USP45: variants seen among roughly 807,000 people sequenced by gnomAD.
USP45 encodes the protein ubiquitin specific peptidase 45, also known as ubiquitin carboxyl-terminal hydrolase 45.
A neutral mutation model predicts 95.8 loss-of-function variants in USP45; 89 were observed. The observed-to-expected ratio is 0.93, with a 90% CI of 0.78 to 1.11. USP45 has a LOEUF of 1.11. USP45 is among the 50% of genes least tolerant of loss of function. The pLI is 0.00. For missense variants in USP45, 898 were observed against 942.5 expected, an observed-to-expected ratio of 0.95 and a Z score of 0.62; for synonymous variants, 281 against 316.2, an observed-to-expected ratio of 0.89 and a Z score of 1.18.
Position 99,435,532 on chromosome 6 carries a change from GA to G in USP45, c.*183del. On this transcript the variant is annotated 3_prime_UTR_variant, in exon 18 of 18. Transcript: ENST00000500704. ...AAATTCACATTTATTTTAAGACTAT[GA>G]ATTTTAAAGCATTGAGTAAATTTAC... The G allele has an allele frequency of 4.5e-6, 2 of 441,256 alleles. No individual in the cohort carries two copies. The highest frequency in any genetic ancestry group is 7.7e-6 in the Non-Finnish European group (2 of 260,218). 27.3% of individuals were successfully genotyped at this position (441,256 alleles called of 1,614,324 possible). A position where few individuals can be genotyped will look rare whatever the true frequency, so the allele number is the denominator to read the frequency against.
intron 4 of USP45, 55 bp from the exon 5 acceptor site, chr6:99,503,920 C>T: frequency 2.4e-6 from 3 of 1,264,270 alleles, no homozygotes; most frequent in Non-Finnish European, 3.2e-6. Flanking sequence ...AATAATTTTG[C>T]ACATCAGATA....
chr6:99,461,938 T>A (rs1253071467), intron 13 of USP45: 2 of 985,264 alleles, frequency 2.0e-6, no homozygotes, highest in Non-Finnish European at 2.4e-6. Context: ...GTTCCATGAT[T>A]AAACTGGTTC....
chr6:99,512,885 C>T (rs994198), intron 1 of USP45, among the ~76,000 whole-genome samples: 129,715 of 152,132 alleles, frequency 0.85, 56,029 homozygotes, highest in East Asian at 1. Context: ...CCTTCTCTGA[C>T]AGCAACTTCC....
intron 5 of USP45, among the ~76,000 whole-genome samples, chr6:99,502,546 C>G (rs931281842): frequency 6.6e-6 from 1 of 152,092 alleles, no homozygotes; most frequent in Non-Finnish European, 1.5e-5. Flanking sequence ...GGCCTAACTC[C>G]CAGTAGTTAG....
chr6:99,464,858 A>G, intron 12 of USP45, 111 bp from the exon 13 acceptor site: 1 of 1,273,386 alleles, frequency 7.9e-7, no homozygotes, highest in Non-Finnish European at 1.1e-6. Flanking sequence ...ACAAATTATC[A>G]AAATAAAAAG....
At position 99,488,939 on chromosome 6, in the gene USP45, T is replaced by C. The variant is rs1583328383; in HGVS notation, c.479-119A>G. ...TAAGATTATCTCCCTGAATCAGTGT[T>C]CCTGAAGGGGAAGAATATAAACACA... On this transcript the variant is annotated intron_variant, in intron 5 of 17. Coordinates refer to ENST00000500704, the MANE Select transcript of USP45 (RefSeq NM_001346022.3). The C allele has an allele frequency of 4.0e-6, 3 of 744,602 alleles. No homozygotes were observed. The East Asian group carries it at 1.0e-4, about 25-fold the overall frequency. The allele number at this position is 744,602 out of a possible 1,614,324, so 46.1% of individuals were successfully genotyped here. A position where few individuals can be genotyped will look rare whatever the true frequency, so the allele number is the denominator to read the frequency against.
chr6:99,507,379 T>C, intron 4 of USP45, 49 bp downstream of exon 4: 7 of 935,958 alleles, frequency 7.5e-6, no homozygotes, highest in Non-Finnish European at 1.1e-5. Flanking sequence ...AAAAAAAAAA[T>C]TGGGGGGCTG....
At chr6:99,498,130 G>A (rs534167378) in intron 5 of USP45, among the ~76,000 whole-genome samples, 76 of 152,288 alleles carry the variant, frequency 5.0e-4, no homozygotes, top group Non-Finnish European at 8.8e-4. Context: ...GATCAGTAAT[G>A]ACAGGAACTA....
At chr6:99,510,921 T>C (rs1009260234) in intron 1 of USP45, among the ~76,000 whole-genome samples, 11 of 152,072 alleles carry the variant, frequency 7.2e-5, no homozygotes, top group Non-Finnish European at 1.5e-5. Context: ...AGCAAGGAAA[T>C]AGTAGGAGCT....
chr6:99,438,295 C>T (rs1780882428), intron 16 of USP45, among the ~76,000 whole-genome samples: 1 of 151,824 alleles, frequency 6.6e-6, no homozygotes, highest in African/African-American at 2.4e-5. Context: ...TGTCAGCTAC[C>T]ATTATTTAAG....
Position 99,450,512 on chromosome 6 carries a change from TAAC to T in USP45, c.1309-4052_1309-4050del, listed in dbSNP as rs1044025650. The stretch of plus-strand genomic sequence containing the variant: ...GAACTTGAATCCCTGAATAGATCAA[TAAC>T]AGGCTCTGAAATAGAGGCAATAATT... On this transcript the variant is annotated intron_variant, in intron 13 of 17. Transcript: ENST00000500704. Among the ~76,000 whole-genome samples the T allele has an allele frequency of 8.5e-5, 13 of 152,266 alleles. No individual in the cohort carries two copies. The South Asian group carries it at 1.7e-3, about 19-fold the overall frequency.
At chr6:99,482,978 C>T (rs1057379003) in intron 7 of USP45, 95 bp from the exon 8 acceptor site, 20 of 1,060,406 alleles carry the variant, frequency 1.9e-5, no homozygotes, top group Admixed American at 3.8e-5. Context: ...ATAACACCAA[C>T]TAAATTGCCT....
intron 9 of USP45, among the ~76,000 whole-genome samples, chr6:99,469,425 G>C (rs1445469838): frequency 1.4e-5 from 2 of 143,390 alleles, no homozygotes; most frequent in Admixed American, 7.1e-5. Flanking sequence ...TGAGGGAAAA[G>C]TTTAATTATC....
chr6:99,511,904 T>C (rs1006542176), intron 1 of USP45, among the ~76,000 whole-genome samples: 3 of 146,856 alleles, frequency 2.0e-5, no homozygotes, highest in Non-Finnish European at 4.5e-5. Context: ...GTTGAACTAT[T>C]TGAAAGTTGT....
rs1782514871 is a variant in USP45, at chr6:99,446,183, G to A, written c.1589C>T (p.Pro530Leu). The A allele has an allele frequency of 1.2e-6, 2 of 1,614,004 alleles. No individual in the cohort carries two copies. The highest frequency in any genetic ancestry group is 2.7e-5 in the African/African-American group (2 of 74,914). The stretch of plus-strand genomic sequence containing the variant: ...TGACAGAGGGTAAAGGGGTCCATCT[G>A]GCTGCACACCGGATCCACTACTGGA... ...FRSSSGSGVQ[P>L]DGPLYPLSAG... is the part of the protein sequence containing the mutation. Residue 530 changes from proline to leucine, a missense_variant, in exon 14 of 18, where the codon CCA becomes CTA. Physicochemically the swap from Pro to Leu is moderately conservative, Grantham distance 98. Transcript: ENST00000500704.
At chr6:99,472,305 C>G (rs1317572628) in intron 9 of USP45, among the ~76,000 whole-genome samples, 1 of 151,768 alleles carries the variant, frequency 6.6e-6, no homozygotes, top group Non-Finnish European at 1.5e-5. Flanking sequence ...GCAACCTCCA[C>G]CTCGAGTTCA....
chr6:99,487,372 T>C (rs778312793), intron 7 of USP45, among the ~76,000 whole-genome samples: 2 of 152,168 alleles, frequency 1.3e-5, no homozygotes, highest in Non-Finnish European at 1.5e-5. Context: ...TGTTATTCTG[T>C]GGGATTATCT....
Position 99,458,795 on chromosome 6 carries a change from A to C in USP45, c.1308+5809T>G, listed in dbSNP as rs569002615. ...TATGCAGAAATTGAGCAGAGGCTAC[A>C]GGAGGAGAATGGGACTGTTCGTGGC... On this transcript the variant is annotated intron_variant, in intron 13 of 17. Coordinates refer to ENST00000500704, the MANE Select transcript of USP45 (RefSeq NM_001346022.3). Among the ~76,000 whole-genome samples, 262 of 152,348 alleles carry C rather than the reference A, an allele frequency of 1.7e-3. 1 individual carries two copies. The highest frequency in any genetic ancestry group is 6.1e-3 in the African/African-American group (252 of 41,588).
intron 12 of USP45, 112 bp downstream of exon 12, chr6:99,464,968 T>C (rs1173850721): frequency 3.0e-6 from 3 of 1,007,678 alleles, no homozygotes; most frequent in Middle Eastern, 3.2e-4. Flanking sequence ...CAAACTCAAT[T>C]ATATATAAAA....
Sources: gnomAD v4.1 joint callset for allele counts (sites outside exome capture counted in the v4.1 genomes callset) on GRCh38, gnomAD v4.1.1 for gene constraint, MANE v1.5 for transcripts, NCBI Gene and HGNC (gene_info 2026-07-23, HGNC 2026-07-21) for gene names.